The following C2CD5 variants were observed in gnomAD, a reference collection of about 807,000 sequenced individuals.
C2CD5 encodes C2 domain-containing protein 5.
In C2CD5, 109 loss-of-function variants were observed where a neutral mutation model predicts 130.3. The observed-to-expected ratio is 0.84, with a 90% CI of 0.72 to 0.98. C2CD5 has a LOEUF of 0.98. Ranked by LOEUF, C2CD5 falls within the 50% of genes least tolerant of loss-of-function variation. The pLI is 0.00. For synonymous variants in C2CD5, 454 were observed against 429.2 expected (o/e 1.06, Z -0.71); for missense variants, 996 against 1,261.8 (o/e 0.79, Z 3.19).
rs748141727 is a variant in C2CD5 at position 22,478,496 on chromosome 12, GA to G, written c.1738-20del. On this transcript the variant is annotated intron_variant, in intron 14 of 26. Coordinates refer to ENST00000446597, the MANE Select transcript of C2CD5 (RefSeq NM_001286176.2). Reference sequence around the variant, plus strand: ...TGGCAGACTTGTAAAAAATAATGGGGAAATAATCAGAAAAAATATCTACAGA... The same window carrying G: ...TGGCAGACTTGTAAAAAATAATGGGGAATAATCAGAAAAAATATCTACAGA... The G allele has an allele frequency of 6.3e-7, 1 of 1,596,386 alleles. No homozygotes were observed. The highest frequency in any genetic ancestry group is 1.7e-5 in the Admixed American group (1 of 58,938).
intron 3 of C2CD5, among the ~76,000 whole-genome samples, chr12:22,528,880 A>G (rs1329358189): frequency 1.3e-5 from 2 of 152,184 alleles, no homozygotes; most frequent in Non-Finnish European, 2.9e-5. Flanking sequence ...GTTGATGTTA[A>G]GCTAATAATC....
At chr12:22,490,747 A>G (rs146638876) in intron 11 of C2CD5, among the ~76,000 whole-genome samples, 65 of 152,258 alleles carry the variant, frequency 4.3e-4, no homozygotes, top group African/African-American at 1.3e-3. Context: ...ACATCATCAT[A>G]TAACAGAAAA....
intron 2 of C2CD5, among the ~76,000 whole-genome samples, chr12:22,539,788 G>T (rs1952172923): frequency 6.6e-6 from 1 of 152,094 alleles, no homozygotes; most frequent in Non-Finnish European, 1.5e-5. Flanking sequence ...GAGGTCAGGT[G>T]TTCAAGACCA....
intron 10 of C2CD5, among the ~76,000 whole-genome samples, chr12:22,506,259 G>A (rs997802671): frequency 2.6e-5 from 4 of 152,122 alleles, no homozygotes; most frequent in South Asian, 2.1e-4. Flanking sequence ...TCCTTGCCCC[G>A]GCCTCCTGAG....
chr12:22,487,829 T>C (rs2136386783), intron 12 of C2CD5, among the ~76,000 whole-genome samples: 1 of 152,144 alleles, frequency 6.6e-6, no homozygotes, highest in East Asian at 1.9e-4. Flanking sequence ...TAGAATGGAT[T>C]AAGAAAATGT....
chr12:22,528,040 C>A, intron 3 of C2CD5, 148 bp from the exon 4 acceptor site: 1 of 466,110 alleles, frequency 2.1e-6, no homozygotes, highest in South Asian at 5.3e-5. Flanking sequence ...AGAATTAACA[C>A]ACAAAAAGAT....
intron 25 of C2CD5, among the ~76,000 whole-genome samples, 173 bp from the exon 26 acceptor site, chr12:22,454,215 T>C (rs1939307854): frequency 6.6e-6 from 1 of 152,188 alleles, no homozygotes; most frequent in African/African-American, 2.4e-5. Flanking sequence ...AAACATTGAC[T>C]GAACACATGT....
At chr12:22,488,229 A>G (rs541401128) in intron 12 of C2CD5, among the ~76,000 whole-genome samples, 24 of 152,244 alleles carry the variant, frequency 1.6e-4, no homozygotes, top group Admixed American at 1.2e-3. Context: ...ACAAATGAGG[A>G]TAAGAATTTC....
At chr12:22,472,600 C>T in intron 17 of C2CD5, 144 bp downstream of exon 17, 1 of 690,396 alleles carries the variant, frequency 1.4e-6, no homozygotes, top group Non-Finnish European at 2.6e-6. Context: ...GGTATGTTTT[C>T]TACCTTGGAG....
intron 5 of C2CD5, 31 bp from the exon 6 acceptor site, chr12:22,524,658 A>G: frequency 1.9e-6 from 3 of 1,574,708 alleles, no homozygotes; most frequent in Non-Finnish European, 2.6e-6. Flanking sequence ...GCTTCTGTTT[A>G]TCAAAAGGTA....
intron 2 of C2CD5, among the ~76,000 whole-genome samples, chr12:22,541,201 C>G (rs993205151): frequency 2.6e-5 from 4 of 152,154 alleles, no homozygotes; most frequent in African/African-American, 9.7e-5. Context: ...CCTGGAGTAT[C>G]AGAAAACCCA....
At chr12:22,471,690 A>G (rs561547361) in intron 19 of C2CD5, among the ~76,000 whole-genome samples, 1 of 152,150 alleles carries the variant, frequency 6.6e-6, no homozygotes, top group South Asian at 2.1e-4. Context: ...TCAATAAGTC[A>G]CAAAAAATAA....
intron 17 of C2CD5, 170 bp from the exon 18 acceptor site, chr12:22,472,517 T>C (rs879368102): frequency 1.7e-6 from 1 of 602,564 alleles, no homozygotes; most frequent in Admixed American, 3.3e-5. Flanking sequence ...TTATCACAGG[T>C]TTTTTTTTCC....
rs192958118 is a variant in C2CD5, at chr12:22,492,940, T to C, written c.1262+283A>G. 9.6e-4 allele frequency among the ~76,000 whole-genome samples: 146 copies of C among 152,296 alleles called. 1 individual carries two copies. Among genetic ancestry groups the C allele is most frequent in the African/African-American group, 3.4e-3 (141 of 41,562 alleles). On this transcript the variant is annotated intron_variant, in intron 11 of 26. Coordinates refer to ENST00000446597, the MANE Select transcript of C2CD5 (RefSeq NM_001286176.2). ...AGAGTTAATATTTGCTGTGTGCCAGTATTATATTCTCATTTAATCACTGAT... is the reference window on the plus strand; with the variant it reads ...AGAGTTAATATTTGCTGTGTGCCAGCATTATATTCTCATTTAATCACTGAT...
At chr12:22,493,144 T>C in intron 11 of C2CD5, 79 bp downstream of exon 11, 1 of 798,552 alleles carries the variant, frequency 1.3e-6, no homozygotes, top group Non-Finnish European at 2.0e-6. Context: ...CTCTTTTCTT[T>C]TATTTGCATG....
chr12:22,493,319 T>A lies in C2CD5; in HGVS notation c.1166A>T (p.Asp389Val). 2 of 1,607,404 alleles carry A rather than the reference T, an allele frequency of 1.2e-6. No individual in the cohort carries two copies. Among genetic ancestry groups the A allele is most frequent in the Non-Finnish European group, 1.7e-6 (2 of 1,175,320 alleles). ...IHNPDEPETR[D>V]AWWAEIRQEI... Reference sequence around the variant, plus strand: ...TTGTCTGATTTCTGCCCACCATGCATCTCGAGTTTCTGGTTCATCTGAAAA... The same window carrying A: ...TTGTCTGATTTCTGCCCACCATGCAACTCGAGTTTCTGGTTCATCTGAAAA... Residue 389 changes from aspartate (D) to valine (V), a missense_variant, in exon 11 of 27, where the codon GAT becomes GTT. This residue lies in a region of C2CD5 where 6 missense variants were observed against 26.7 expected (regional missense o/e 0.22). Coordinates refer to ENST00000446597, the MANE Select transcript of C2CD5 (RefSeq NM_001286176.2).
chr12:22,484,106 T>C (rs908991598), intron 13 of C2CD5, among the ~76,000 whole-genome samples: 4 of 151,936 alleles, frequency 2.6e-5, no homozygotes, highest in Non-Finnish European at 4.4e-5. Flanking sequence ...TACATAAAGG[T>C]AGGAAAACAT....
At chr12:22,514,859 G>A (rs534066798) in intron 8 of C2CD5, 4 of 360,660 alleles carry the variant, frequency 1.1e-5, no homozygotes, top group South Asian at 2.3e-4. Context: ...CTGACTACCA[G>A]TAAGAAAAAT....
chr12:22,517,857 G>A (rs1949896373), intron 8 of C2CD5, 129 bp downstream of exon 8: 1 of 622,944 alleles, frequency 1.6e-6, no homozygotes, highest in South Asian at 2.4e-5. Flanking sequence ...ACTGAAAATG[G>A]TCAGTATTCA....
Sources: gnomAD v4.1 joint callset for allele counts (sites outside exome capture counted in the v4.1 genomes callset) on GRCh38, gnomAD v4.1.1 for gene constraint, gnomAD v4.1.1 regional missense constraint, MANE v1.5 for transcripts, NCBI Gene and HGNC (gene_info 2026-07-23, HGNC 2026-07-21) for gene names.